Variants in ESRRG observed in about 807,000 individuals in gnomAD.
ESRRG encodes the protein estrogen-related receptor gamma.
In ESRRG, 13 loss-of-function variants were observed where a neutral mutation model predicts 44.0. The observed-to-expected ratio is 0.30, with a 90% CI of 0.19 to 0.47. ESRRG has a LOEUF of 0.47. Among genes scored for constraint, ESRRG ranks in the 20% least tolerant of loss-of-function variants. ESRRG has a pLI of 1.00. For missense variants in ESRRG, 395 were observed against 580.6 expected (o/e 0.68, Z 3.29); for synonymous variants, 215 against 214.6 (o/e 1.00, Z -0.02).
chr1:216,991,500 C>T (rs2075691160), intron 1 of ESRRG, among the ~76,000 whole-genome samples: 1 of 152,138 alleles, frequency 6.6e-6, no homozygotes, highest in Non-Finnish European at 1.5e-5. Context: ...AGTGTCCACT[C>T]TCATGAGGTT....
At chr1:217,114,400 G>A (rs1311235582) in intron 1 of ESRRG, among the ~76,000 whole-genome samples, 8 of 151,822 alleles carry the variant, frequency 5.3e-5, no homozygotes, top group Non-Finnish European at 1.5e-5. Context: ...ATTTGGACAC[G>A]GCTGAAAAAA....
intron 2 of ESRRG, among the ~76,000 whole-genome samples, chr1:216,797,391 T>C (rs1257990946): frequency 1.3e-5 from 2 of 152,146 alleles, no homozygotes; most frequent in Non-Finnish European, 2.9e-5. Flanking sequence ...TTCTCCTGAA[T>C]GTCACCAAAT....
chr1:217,117,455 C>A (rs558273092), intron 1 of ESRRG, among the ~76,000 whole-genome samples: 1 of 151,992 alleles, frequency 6.6e-6, no homozygotes, highest in Non-Finnish European at 1.5e-5. Flanking sequence ...GGTAGTGGTG[C>A]ATGCCTGTAG....
At chr1:216,757,556 T>A (rs1360184137) in intron 2 of ESRRG, among the ~76,000 whole-genome samples, 1 of 152,084 alleles carries the variant, frequency 6.6e-6, no homozygotes, top group Non-Finnish European at 1.5e-5. Flanking sequence ...TGAGGCTTGT[T>A]TGAGATTTTA....
intron 2 of ESRRG, among the ~76,000 whole-genome samples, chr1:216,907,706 A>T (rs186088319): frequency 1.3e-4 from 20 of 152,322 alleles, no homozygotes; most frequent in African/African-American, 4.6e-4. Flanking sequence ...TTCTAGATGC[A>T]TCTTTTTAAA....
chr1:216,917,158 C>CTTTT (rs534545705), intron 2 of ESRRG, among the ~76,000 whole-genome samples: 1 of 130,640 alleles, frequency 7.7e-6, no homozygotes, highest in Non-Finnish European at 1.6e-5. Flanking sequence ...AATAGACTTT[C>CTTTT]TTTTTTTTTT....
chr1:216,723,920 G>T (rs1318526830), upstream of ESRRG, among the ~76,000 whole-genome samples: 1 of 152,076 alleles, frequency 6.6e-6, no homozygotes, highest in Admixed American at 6.5e-5. Context: ...TTGTCCTGCC[G>T]TTGTCTGTGT....
chr1:216,852,046 C>T (rs974383099), intron 2 of ESRRG, among the ~76,000 whole-genome samples: 7 of 152,258 alleles, frequency 4.6e-5, no homozygotes, highest in South Asian at 4.1e-4. Flanking sequence ...CAACCTGTTG[C>T]GGCTGAGAAG....
intron 2 of ESRRG, among the ~76,000 whole-genome samples, chr1:216,851,240 T>G (rs2095838437): frequency 6.6e-6 from 1 of 152,064 alleles, no homozygotes; most frequent in Admixed American, 6.6e-5. Context: ...GAGTGCCCAC[T>G]CATTACTAAA....
Position 217,022,716 on chromosome 1 carries a change from T to G in ESRRG, c.-106+66791A>C, listed in dbSNP as rs2150938027. On this transcript the variant is annotated intron_variant, in intron 1 of 7. Transcript: ENST00000359162. ...CCGAGTAAAATGGCCCTTCTAGGGC[T>G]TTAGGAAGCAATGTACACTTTGTTT... 1.3e-5 allele frequency among the ~76,000 whole-genome samples: 2 copies of G among 152,244 alleles called. 1 individual carries two copies. Among genetic ancestry groups the G allele is most frequent in the South Asian group, 4.1e-4 (2 of 4,826 alleles).
chr1:216,604,209 T>C (rs2059633659), intron 3 of ESRRG, among the ~76,000 whole-genome samples: 1 of 152,138 alleles, frequency 6.6e-6, no homozygotes, highest in African/African-American at 2.4e-5. Context: ...TGAACAGGGA[T>C]TGTAACTACA....
intron 2 of ESRRG, among the ~76,000 whole-genome samples, chr1:216,794,348 T>A (rs933957341): frequency 1.3e-5 from 2 of 152,180 alleles, no homozygotes; most frequent in Non-Finnish European, 2.9e-5. Flanking sequence ...TTGGGGGGAA[T>A]CCGGGAGTAA....
rs150905075 is a variant in ESRRG, at chr1:216,961,663, G to A, written c.-105-21990C>T. 1.8e-3 allele frequency among the ~76,000 whole-genome samples: 272 copies of A among 150,514 alleles called. 3 individuals carry two copies. Among genetic ancestry groups the A allele is most frequent in the African/African-American group, 6.4e-3 (263 of 40,896 alleles). ...CCTTTTATTTTAGGCTGTTTTCTACGGCAGCATATGTAAAATTTTACCTTG... is the reference window on the plus strand; with the variant it reads ...CCTTTTATTTTAGGCTGTTTTCTACAGCAGCATATGTAAAATTTTACCTTG... On this transcript the variant is annotated intron_variant, in intron 1 of 7. Transcript: ENST00000359162.
intron 3 of ESRRG, among the ~76,000 whole-genome samples, chr1:216,618,373 G>C (rs927503731): frequency 6.6e-6 from 1 of 152,118 alleles, no homozygotes; most frequent in Non-Finnish European, 1.5e-5. Flanking sequence ...AAGAATCAGG[G>C]GTTCAATCTA....
intron 1 of ESRRG, among the ~76,000 whole-genome samples, chr1:216,678,361 A>C (rs188454957): frequency 6.6e-6 from 1 of 152,232 alleles, no homozygotes; most frequent in African/African-American, 2.4e-5. Context: ...CACAAATCTG[A>C]TATTATATGT....
intron 1 of ESRRG, among the ~76,000 whole-genome samples, chr1:217,003,051 A>G (rs1188621660): frequency 6.6e-6 from 1 of 152,226 alleles, no homozygotes. Flanking sequence ...TCAGTTAGCT[A>G]CTGTTCAAAA....
At chr1:216,977,354 A>G (rs2150354202) in intron 1 of ESRRG, among the ~76,000 whole-genome samples, 1 of 151,798 alleles carries the variant, frequency 6.6e-6, no homozygotes, top group Non-Finnish European at 1.5e-5. Context: ...ACACACACAC[A>G]CACACACACA....
At chr1:216,623,224 A>C (rs896746449) in intron 3 of ESRRG, among the ~76,000 whole-genome samples, 4 of 151,784 alleles carry the variant, frequency 2.6e-5, no homozygotes, top group Non-Finnish European at 5.9e-5. Context: ...CTGGGACTAC[A>C]GGGGCCCACC....
intron 1 of ESRRG, among the ~76,000 whole-genome samples, chr1:217,004,344 T>C (rs1370161144): frequency 6.6e-6 from 1 of 150,832 alleles, no homozygotes; most frequent in African/African-American, 2.5e-5. Flanking sequence ...TGGGGATGGT[T>C]TCCCCAAAAC....
Sources: allele counts gnomAD v4.1 joint callset (sites outside exome capture counted in the v4.1 genomes callset), GRCh38; gene constraint gnomAD v4.1.1; transcripts MANE v1.5; gene names NCBI Gene and HGNC (gene_info 2026-07-23, HGNC 2026-07-21).